Variants in HHIP observed in about 807,000 individuals in gnomAD.
The protein encoded by HHIP is hedgehog interacting protein, also known as hedgehog-interacting protein.
Under a neutral mutation model 74.0 loss-of-function variants are expected in HHIP, and 12 were observed. The ratio of observed to expected loss-of-function variants is 0.16; its 90% CI spans 0.10 to 0.26. The LOEUF (loss-of-function observed/expected upper bound fraction) is 0.26, where lower values mean the gene tolerates loss of function less well. HHIP is among the 10% of genes least tolerant of loss of function. The probability of loss-of-function intolerance (pLI) is 1.00; values close to 1 mark genes in which losing one functional copy is unlikely to be tolerated. For missense variants in HHIP, 788 were observed against 845.0 expected, an observed-to-expected ratio of 0.93 and a Z score of 0.84; for synonymous variants, 309 against 311.6, an observed-to-expected ratio of 0.99 and a Z score of 0.09.
At position 144,674,930 on chromosome 4, in the gene HHIP, G is replaced by A. The variant is rs189622442; in HGVS notation, c.831+15092G>A. 5.9e-5 allele frequency among the ~76,000 whole-genome samples: 9 copies of A among 152,252 alleles called. No individual in the cohort carries two copies. In the East Asian group the frequency reaches 9.7e-4, roughly 16 times the overall value. ...GGTAGGGAACTGGGCCCCTTTGCCT[G>A]TAGGGGGATGACCTTTAACTTCATC... On this transcript the variant is annotated intron_variant, in intron 4 of 12. Coordinates refer to ENST00000296575, the MANE Select transcript of HHIP (RefSeq NM_022475.3).
At chr4:144,723,898 C>G (rs1730715836) in intron 11 of HHIP, among the ~76,000 whole-genome samples, 1 of 152,174 alleles carries the variant, frequency 6.6e-6, no homozygotes, top group Non-Finnish European at 1.5e-5. Context: ...TTGCTATCAT[C>G]ATTATTCTAT....
chr4:144,730,334 G>C (rs1730918601), intron 11 of HHIP, among the ~76,000 whole-genome samples: 1 of 152,144 alleles, frequency 6.6e-6, no homozygotes, highest in African/African-American at 2.4e-5. Context: ...TATTTGTCAT[G>C]CATGAAGGGA....
At chr4:144,661,009 G>A (rs1193246288) in intron 4 of HHIP, among the ~76,000 whole-genome samples, 1 of 152,120 alleles carries the variant, frequency 6.6e-6, no homozygotes, top group Non-Finnish European at 1.5e-5. Flanking sequence ...AATGTGCTTT[G>A]AGTAAAAATG....
chr4:144,701,971 T>C (rs896448314), intron 4 of HHIP, among the ~76,000 whole-genome samples: 4 of 152,120 alleles, frequency 2.6e-5, no homozygotes, highest in African/African-American at 9.7e-5. Flanking sequence ...ATGAAAGATG[T>C]TGTCCTATAA....
At chr4:144,657,079 T>C (rs762582948) in intron 2 of HHIP, among the ~76,000 whole-genome samples, 2 of 152,146 alleles carry the variant, frequency 1.3e-5, no homozygotes, top group Non-Finnish European at 2.9e-5. Flanking sequence ...GACAAGATCC[T>C]TTCCAATAGC....
At chr4:144,717,847 A>G (rs1202638396) in intron 10 of HHIP, among the ~76,000 whole-genome samples, 1 of 152,162 alleles carries the variant, frequency 6.6e-6, no homozygotes, top group East Asian at 1.9e-4. Context: ...AAAGCTAAAG[A>G]AGGCACAACC....
intron 4 of HHIP, among the ~76,000 whole-genome samples, chr4:144,702,678 G>GTT (rs530192528): frequency 7.0e-6 from 1 of 142,126 alleles, no homozygotes; most frequent in Non-Finnish European, 1.5e-5. Context: ...TCAGTAAGTT[G>GTT]TTTTTTTTTT....
intron 4 of HHIP, among the ~76,000 whole-genome samples, chr4:144,668,724 C>T (rs925599253): frequency 2.0e-5 from 3 of 152,166 alleles, no homozygotes; most frequent in African/African-American, 4.8e-5. Context: ...TGCACTCCAG[C>T]CTGGTGACAG....
chr4:144,695,081 T>C (rs974031046), intron 4 of HHIP, among the ~76,000 whole-genome samples: 1 of 151,848 alleles, frequency 6.6e-6, no homozygotes, highest in Non-Finnish European at 1.5e-5. Context: ...TTAATGGGTT[T>C]TCTAAATTGT....
chr4:144,686,146 C>G (rs1328832572), intron 4 of HHIP, among the ~76,000 whole-genome samples: 1 of 152,164 alleles, frequency 6.6e-6, no homozygotes, highest in Non-Finnish European at 1.5e-5. Context: ...AGAGAGGTTA[C>G]TCTTGGTTTA....
In HHIP at chr4:144,711,619, C is replaced by T. The variant is rs560863358; in HGVS notation, c.1302-331C>T. On this transcript the variant is annotated intron_variant, in intron 7 of 12. Coordinates refer to ENST00000296575, the MANE Select transcript of HHIP (RefSeq NM_022475.3). ...GTTTTCTGTTCCTGGATGGTGACACCGATTCTTATTCACAATACTTTACCA... is the reference window on the plus strand; with the variant it reads ...GTTTTCTGTTCCTGGATGGTGACACTGATTCTTATTCACAATACTTTACCA... 7.8e-4 allele frequency among the ~76,000 whole-genome samples: 119 copies of T among 152,082 alleles called. 1 individual carries two copies. Among genetic ancestry groups the T allele is most frequent in the Middle Eastern group, 3.4e-3 (1 of 294 alleles).
intron 4 of HHIP, among the ~76,000 whole-genome samples, chr4:144,671,095 G>A (rs1729025184): frequency 6.6e-6 from 1 of 152,062 alleles, no homozygotes; most frequent in African/African-American, 2.4e-5. Flanking sequence ...ATTTTTCTAT[G>A]TATCATCTTT....
At chr4:144,662,103 G>T (rs1728730523) in intron 4 of HHIP, among the ~76,000 whole-genome samples, 1 of 152,184 alleles carries the variant, frequency 6.6e-6, no homozygotes, top group African/African-American at 2.4e-5. Flanking sequence ...CTGATTATAA[G>T]AGTTTCTAAA....
chr4:144,660,842 A>T (rs60684117), intron 4 of HHIP, among the ~76,000 whole-genome samples: 13,001 of 152,164 alleles, frequency 0.085, 1,046 homozygotes, highest in East Asian at 0.21. Context: ...CTGGTCATGG[A>T]TGACTTCCTT....
At chr4:144,662,298 A>G (rs1052850690) in intron 4 of HHIP, among the ~76,000 whole-genome samples, 1 of 152,184 alleles carries the variant, frequency 6.6e-6, no homozygotes, top group Non-Finnish European at 1.5e-5. Flanking sequence ...GCCATCAGCC[A>G]AGAGCCAATC....
chr4:144,673,525 G>T (rs1729098610), intron 4 of HHIP, among the ~76,000 whole-genome samples: 1 of 152,112 alleles, frequency 6.6e-6, no homozygotes, highest in Admixed American at 6.6e-5. Context: ...ACACATATGT[G>T]TTCCTCCTAG....
At chr4:144,675,865 T>C (rs746274606) in intron 4 of HHIP, among the ~76,000 whole-genome samples, 1 of 152,182 alleles carries the variant, frequency 6.6e-6, no homozygotes, top group Admixed American at 6.5e-5. Flanking sequence ...TTTCAGTTTA[T>C]AGCATAAGCA....
chr4:144,664,811 G>A (rs1330044953), intron 4 of HHIP, among the ~76,000 whole-genome samples: 1 of 152,158 alleles, frequency 6.6e-6, no homozygotes, highest in Non-Finnish European at 1.5e-5. Context: ...GCACATTTTT[G>A]TATACTGAAT....
At chr4:144,659,961 G>A in intron 4 of HHIP, 123 bp downstream of exon 4, 1 of 696,166 alleles carries the variant, frequency 1.4e-6, no homozygotes, top group Non-Finnish European at 2.4e-6. Flanking sequence ...AAAATAAGGG[G>A]GCAACATAAG....
Sources: allele counts gnomAD v4.1 joint callset (sites outside exome capture counted in the v4.1 genomes callset), GRCh38; gene constraint gnomAD v4.1.1; transcripts MANE v1.5; gene names NCBI Gene and HGNC (gene_info 2026-07-23, HGNC 2026-07-21).